Variants in TBC1D22A observed in about 807,000 individuals in gnomAD.
TBC1D22A encodes the protein putative GTPase activator.
Under a neutral mutation model 60.2 loss-of-function variants are expected in TBC1D22A, and 38 were observed. That is an observed-to-expected ratio of 0.63 (90% confidence interval 0.49 to 0.83). The LOEUF is 0.83. TBC1D22A is among the 40% of genes least tolerant of loss of function. The pLI, the probability that TBC1D22A is intolerant of heterozygous loss-of-function variation, is 0.00. For synonymous variants in TBC1D22A, 302 were observed against 281.7 expected (o/e 1.07, Z -0.72); for missense variants, 628 against 701.0 (o/e 0.90, Z 1.18).
intron 8 of TBC1D22A, among the ~76,000 whole-genome samples, chr22:46,936,297 T>G (rs1393083598): frequency 6.6e-6 from 1 of 151,852 alleles, no homozygotes; most frequent in Non-Finnish European, 1.5e-5. Flanking sequence ...CTGCACGCCC[T>G]CTTCCTGGGG....
At chr22:46,795,386 C>T (rs1001674694) in intron 3 of TBC1D22A, among the ~76,000 whole-genome samples, 4 of 152,348 alleles carry the variant, frequency 2.6e-5, no homozygotes, top group East Asian at 3.9e-4. Flanking sequence ...CAGGACCACA[C>T]GGTGTGTGGC....
At chr22:47,018,748 G>A (rs1293444427) in intron 10 of TBC1D22A, among the ~76,000 whole-genome samples, 1 of 152,200 alleles carries the variant, frequency 6.6e-6, no homozygotes, top group African/African-American at 2.4e-5. Flanking sequence ...GCCATGAGGA[G>A]TGGGTCCTGG....
chr22:47,150,318 C>G (rs1463383223), intron 12 of TBC1D22A, among the ~76,000 whole-genome samples: 2 of 152,132 alleles, frequency 1.3e-5, no homozygotes, highest in African/African-American at 4.8e-5. Context: ...GCTGCACTCA[C>G]AGTGGGGTGG....
intron 4 of TBC1D22A, among the ~76,000 whole-genome samples, chr22:46,866,418 T>A (rs1035904069): frequency 2.6e-5 from 4 of 152,132 alleles, no homozygotes; most frequent in African/African-American, 9.7e-5. Context: ...AAAATGAAGA[T>A]CTTGATTGGG....
At chr22:46,916,881 A>G (rs551028366) in intron 8 of TBC1D22A, among the ~76,000 whole-genome samples, 23 of 152,360 alleles carry the variant, frequency 1.5e-4, no homozygotes, top group African/African-American at 4.8e-4. Context: ...GATGGGAGAG[A>G]TCGATCATGG....
chr22:46,819,075 A>G (rs1382259001), intron 4 of TBC1D22A, among the ~76,000 whole-genome samples: 5 of 152,156 alleles, frequency 3.3e-5, no homozygotes, highest in African/African-American at 1.2e-4. Flanking sequence ...ATTTTTGCAC[A>G]TTGGTTTTGT....
chr22:47,028,297 T>C lies in TBC1D22A; in HGVS notation c.1202-8774T>C, dbSNP rs2062329412. ...TATTTCATTCTGCACTCATGTTTAC[T>C]GAGATTCTGAGAGTGAGTGGTCGCG... On this transcript the variant is annotated intron_variant, in intron 10 of 12. Transcript: ENST00000337137. This position sits in a 1 kb window ranked among gnomAD's most constrained non-coding sequence, Gnocchi z 4.4. 6.6e-6 allele frequency among the ~76,000 whole-genome samples: 1 copy of C among 152,212 alleles called. No homozygotes were observed. Among genetic ancestry groups the C allele is most frequent in the Non-Finnish European group, 1.5e-5 (1 of 68,042 alleles).
At chr22:46,963,671 C>A (rs1275018980) in intron 8 of TBC1D22A, among the ~76,000 whole-genome samples, 1 of 152,228 alleles carries the variant, frequency 6.6e-6, no homozygotes, top group Non-Finnish European at 1.5e-5. Flanking sequence ...TGGGATCCTT[C>A]TCCGGGCCCA....
At chr22:46,794,038 T>G (rs2084544062) in intron 3 of TBC1D22A, among the ~76,000 whole-genome samples, 197 bp downstream of exon 3, 1 of 152,172 alleles carries the variant, frequency 6.6e-6, no homozygotes, top group Non-Finnish European at 1.5e-5. Flanking sequence ...CCAAGTGCTT[T>G]CTTCTGTCCT....
At chr22:47,077,876 A>G (rs1168661829) in intron 11 of TBC1D22A, among the ~76,000 whole-genome samples, 1 of 152,204 alleles carries the variant, frequency 6.6e-6, no homozygotes, top group Non-Finnish European at 1.5e-5. Context: ...TGATTTGAAA[A>G]GGTTAAAAGG....
chr22:47,014,140 C>T (rs1483597975), intron 10 of TBC1D22A, among the ~76,000 whole-genome samples: 2 of 152,234 alleles, frequency 1.3e-5, no homozygotes, highest in African/African-American at 4.8e-5. Flanking sequence ...CTGCCAGTCT[C>T]TGATGGGGGC....
chr22:47,135,734 A>G (rs1389107343), intron 12 of TBC1D22A, among the ~76,000 whole-genome samples: 1 of 152,220 alleles, frequency 6.6e-6, no homozygotes, highest in Non-Finnish European at 1.5e-5. Context: ...TGAAGGAATG[A>G]AAGTCGAGGG....
At chr22:46,935,447 C>T (rs183046425) in intron 8 of TBC1D22A, among the ~76,000 whole-genome samples, 87 of 152,242 alleles carry the variant, frequency 5.7e-4, no homozygotes, top group Non-Finnish European at 7.9e-4. Context: ...CCCACTCCCC[C>T]GCAGCCCCTG....
intron 12 of TBC1D22A, among the ~76,000 whole-genome samples, chr22:47,113,415 TGGTGGGA>T (rs2065919452): frequency 1.3e-5 from 2 of 151,862 alleles, no homozygotes; most frequent in South Asian, 4.2e-4. Context: ...CCATGCCTGG[TGGTGGGA>T]GGTGGGGTGG....
At chr22:46,902,634 C>T (rs145139308) in intron 7 of TBC1D22A, among the ~76,000 whole-genome samples, 11 of 152,376 alleles carry the variant, frequency 7.2e-5, no homozygotes, top group African/African-American at 2.4e-4. Flanking sequence ...GCTAAACCAG[C>T]CCTTCCACTG....
In TBC1D22A at chr22:46,915,125, C is replaced by A; in HGVS notation, c.1015+2937C>A. On this transcript the variant is annotated intron_variant, in intron 8 of 12. Coordinates refer to ENST00000337137, the MANE Select transcript of TBC1D22A (RefSeq NM_014346.5). ...GTGCTGAGAAGGAGAAGCTTGGGGT[C>A]GAGTCCCAGGGGTGTGCGAAACCCC... 3 of 304,494 alleles carry A rather than the reference C, an allele frequency of 9.9e-6. No individual in the cohort carries two copies. The East Asian group carries it at 2.3e-4, about 24-fold the overall frequency. 18.9% of individuals were successfully genotyped at this position (304,494 alleles called of 1,614,324 possible).
chr22:47,094,214 G>GA (rs1477212907), intron 11 of TBC1D22A, among the ~76,000 whole-genome samples: 1 of 152,156 alleles, frequency 6.6e-6, no homozygotes, highest in African/African-American at 2.4e-5. Context: ...CCTGAGGAAG[G>GA]AACTCAGATA....
chr22:47,029,361 T>C (rs1395029798), intron 10 of TBC1D22A, among the ~76,000 whole-genome samples: 1 of 152,056 alleles, frequency 6.6e-6, no homozygotes, highest in Admixed American at 6.5e-5. Context: ...GTGCTAACTC[T>C]CCTGCCATAG....
chr22:46,889,874 G>T (rs2068307026), intron 5 of TBC1D22A, among the ~76,000 whole-genome samples: 1 of 152,194 alleles, frequency 6.6e-6, no homozygotes, highest in Non-Finnish European at 1.5e-5. Flanking sequence ...ACAGGGGCGG[G>T]GGGATAGAAG....
Sources: gnomAD v4.1 joint callset for allele counts (sites outside exome capture counted in the v4.1 genomes callset) on GRCh38, gnomAD v4.1.1 for gene constraint, Gnocchi (gnomAD v3.1) non-coding constraint, MANE v1.5 for transcripts, NCBI Gene and HGNC (gene_info 2026-07-23, HGNC 2026-07-21) for gene names.